Variants in EHD2 observed in about 807,000 individuals in gnomAD.
EHD2 encodes the protein EH domain containing 2, also known as EH domain-containing protein 2.
In EHD2, 27 loss-of-function variants were observed where a neutral mutation model predicts 41.0. That is an observed-to-expected ratio of 0.66 (90% confidence interval 0.49 to 0.91). The LOEUF is 0.91. Ranked by LOEUF, EHD2 falls within the 40% of genes least tolerant of loss-of-function variation. The pLI is 0.00. For missense variants in EHD2, 673 were observed against 773.9 expected, an observed-to-expected ratio of 0.87 and a Z score of 1.55; for synonymous variants, 342 against 341.0, an observed-to-expected ratio of 1.00 and a Z score of -0.03.
intron 2 of EHD2, among the ~76,000 whole-genome samples, chr19:47,717,414 C>G (rs1459102941): frequency 6.6e-5 from 10 of 152,140 alleles, no homozygotes; most frequent in African/African-American, 2.4e-4. Context: ...CCCTCCCTGA[C>G]TGTGTTTCCC....
At chr19:47,738,892 G>A (rs771980506) in intron 5 of EHD2, among the ~76,000 whole-genome samples, 1 of 152,150 alleles carries the variant, frequency 6.6e-6, no homozygotes, top group Non-Finnish European at 1.5e-5. Flanking sequence ...AGTAGCCCGT[G>A]TGAGAAGCAG....
In EHD2 at chr19:47,740,795, C is replaced by T. The variant is rs973761186; in HGVS notation, c.1081-86C>T. 3 of 1,440,496 alleles carry T rather than the reference C, an allele frequency of 2.1e-6. No individual in the cohort carries two copies. The Admixed American group carries it at 7.7e-5, about 37-fold the overall frequency. 89.2% of individuals were successfully genotyped at this position (1,440,496 alleles called of 1,614,324 possible). A position where few individuals can be genotyped will look rare whatever the true frequency, so the allele number is the denominator to read the frequency against. Reference sequence around the variant, plus strand: ...CCCCACAACAGCTACCCCCGAGCTTCTCCAGTGTCCTGATACCACCTTGCA... The same window carrying T: ...CCCCACAACAGCTACCCCCGAGCTTTTCCAGTGTCCTGATACCACCTTGCA... On this transcript the variant is annotated intron_variant, in intron 5 of 5. Coordinates refer to ENST00000263277, the MANE Select transcript of EHD2 (RefSeq NM_014601.4).
At chr19:47,722,768 A>G (rs973338504) in intron 3 of EHD2, among the ~76,000 whole-genome samples, 2 of 151,952 alleles carry the variant, frequency 1.3e-5, no homozygotes, top group Admixed American at 6.6e-5. Flanking sequence ...GGGTTTCACT[A>G]TGTTGGTCAG....
chr19:47,717,106 G>C, intron 2 of EHD2, 90 bp downstream of exon 2: 1 of 1,528,468 alleles, frequency 6.5e-7, no homozygotes, highest in Non-Finnish European at 8.8e-7. Flanking sequence ...GGAGTGCAGT[G>C]GTGCGATCTC....
At position 47,718,864 on chromosome 19, in the gene EHD2, G is replaced by T. The variant is rs377027908; in HGVS notation, c.502+258G>T. On this transcript the variant is annotated intron_variant, in intron 3 of 5. Transcript: ENST00000263277. ...CCTGGGTCTGAGGGAGGAGGGACTG[G>T]GGTCTGGACTCCTGGGTCTGAGGGA... 2.1e-4 allele frequency among the ~76,000 whole-genome samples: 31 copies of T among 149,932 alleles called. No individual in the cohort carries two copies. In the East Asian group the frequency reaches 5.7e-3, roughly 28 times the overall value.
chr19:47,732,937 G>C (rs1966885399), intron 4 of EHD2: 1 of 151,910 alleles, frequency 6.6e-6, no homozygotes, highest in African/African-American at 2.4e-5. Context: ...TATAAAATTA[G>C]CTGGGCATGG....
In EHD2 at chr19:47,742,197, C is replaced by A. The variant is rs139672681; in HGVS notation, c.*765C>A. On this transcript the variant is annotated 3_prime_UTR_variant, in exon 6 of 6. Transcript: ENST00000263277. ...TTTTTGCCCCCAATTCTGCCCATAC[C>A]CATTTCTTTCTTTCCTTCCTTCCTT... 1 of 331,368 alleles carries A rather than the reference C, an allele frequency of 3.0e-6. No individual in the cohort carries two copies. Among genetic ancestry groups the A allele is most frequent in the Admixed American group, 4.7e-5 (1 of 21,090 alleles). The allele number at this position is 331,368 out of a possible 1,614,324, so 20.5% of individuals were successfully genotyped here. A position where few individuals can be genotyped will look rare whatever the true frequency, so the allele number is the denominator to read the frequency against.
chr19:47,739,078 CT>C (rs1298678443), intron 5 of EHD2, among the ~76,000 whole-genome samples: 2 of 152,022 alleles, frequency 1.3e-5, no homozygotes, highest in East Asian at 3.9e-4. Context: ...GCTTTCTTAA[CT>C]TTCTTTTTTC....
At chr19:47,739,001 C>G (rs1322427135) in intron 5 of EHD2, among the ~76,000 whole-genome samples, 1 of 152,154 alleles carries the variant, frequency 6.6e-6, no homozygotes, top group Non-Finnish European at 1.5e-5. Flanking sequence ...CAAATCTCAC[C>G]TCCAAATTTG....
chr19:47,734,785 G>C (rs1244113670), intron 4 of EHD2, among the ~76,000 whole-genome samples: 1 of 151,886 alleles, frequency 6.6e-6, no homozygotes, highest in Non-Finnish European at 1.5e-5. Flanking sequence ...GGACGGGGTG[G>C]CTCCCGCCTG....
At chr19:47,724,976 T>A (rs1226962500) in intron 3 of EHD2, among the ~76,000 whole-genome samples, 2 of 78,516 alleles carry the variant, frequency 2.5e-5, no homozygotes, top group South Asian at 1.1e-3. Context: ...AGTGAGACTC[T>A]GTCTCAAAAA....
Position 47,741,215 on chromosome 19 carries a change from C to T in EHD2, c.1415C>T (p.Ala472Val), listed in dbSNP as rs867423637. 6.2e-7 allele frequency: 1 copy of T among 1,613,958 alleles called. No homozygotes were observed. The highest frequency in any genetic ancestry group is 1.3e-5 in the African/African-American group (1 of 75,048). Residue 472 changes from alanine (A) to valine (V), a missense_variant, in exon 6 of 6, where the codon GCC becomes GTC. Coordinates refer to ENST00000263277, the MANE Select transcript of EHD2 (RefSeq NM_014601.4). This position sits in a 1 kb window ranked among gnomAD's most constrained non-coding sequence, Gnocchi z 4.5. Reference sequence around the variant, plus strand: ...GACGGCAAGCTGAGCGGCTCCAAGGCCAAGACCTGGATGGTGGGGACCAAG... The same window carrying T: ...GACGGCAAGCTGAGCGGCTCCAAGGTCAAGACCTGGATGGTGGGGACCAAG... Reference protein sequence around the residue: ...PADGKLSGSKAKTWMVGTKLP... With the variant: ...PADGKLSGSKVKTWMVGTKLP...
At position 47,718,508 on chromosome 19, in the gene EHD2, G is replaced by A; in HGVS notation, c.405-1G>A. The A allele has an allele frequency of 1.3e-6, 2 of 1,576,510 alleles. No homozygotes were observed. The highest frequency in any genetic ancestry group is 1.2e-5 in the South Asian group (1 of 86,120). ...ACCCCTGACCCTCCCTCTGCCCCCA[G>A]GTTCATGTGTGCCCAGCTCCCTAAT... On this transcript the variant is annotated splice_acceptor_variant, in intron 2 of 5. Coordinates refer to ENST00000263277, the MANE Select transcript of EHD2 (RefSeq NM_014601.4). LOFTEE classifies it high-confidence loss of function.
Position 47,740,577 on chromosome 19 carries a change from C to T in EHD2, c.1081-304C>T, listed in dbSNP as rs1446292179. ...CCTGGCCAACATGGTGAAACGCTGT[C>T]TCTATTAAAATTACAAAAATTAGCT... is the stretch of plus-strand genomic sequence containing the variant. On this transcript the variant is annotated intron_variant, in intron 5 of 5. Transcript: ENST00000263277. Among the ~76,000 whole-genome samples, 3 of 152,104 alleles carry T rather than the reference C, an allele frequency of 2.0e-5. No individual in the cohort carries two copies. The East Asian group carries it at 5.8e-4, about 29-fold the overall frequency.
intron 3 of EHD2, among the ~76,000 whole-genome samples, chr19:47,721,527 G>A (rs1477874270): frequency 1.3e-5 from 2 of 151,712 alleles, no homozygotes; most frequent in African/African-American, 2.4e-5. Flanking sequence ...TCTTAGCCAG[G>A]CAGGTCTTGA....
intron 3 of EHD2, among the ~76,000 whole-genome samples, chr19:47,720,941 T>C (rs1973688175): frequency 6.6e-6 from 1 of 151,842 alleles, no homozygotes; most frequent in Admixed American, 6.6e-5. Context: ...CATGGGAGGT[T>C]ATGTGTGTGC....
chr19:47,717,639 G>A (rs1027357347), intron 2 of EHD2, among the ~76,000 whole-genome samples: 1 of 152,112 alleles, frequency 6.6e-6, no homozygotes, highest in East Asian at 1.9e-4. Flanking sequence ...AGGCCCGGTG[G>A]CTCACACCTG....
At chr19:47,717,268 T>C (rs1973639223) in intron 2 of EHD2, among the ~76,000 whole-genome samples, 1 of 151,994 alleles carries the variant, frequency 6.6e-6, no homozygotes, top group South Asian at 2.1e-4. Flanking sequence ...TGGCTGGTCT[T>C]GAACTCCTGG....
intron 5 of EHD2, among the ~76,000 whole-genome samples, chr19:47,738,143 A>G (rs979796999): frequency 4.0e-5 from 6 of 151,718 alleles, no homozygotes; most frequent in African/African-American, 7.3e-5. Context: ...TGGCCTCCCA[A>G]AGTGCTGGGA....
Sources: gnomAD v4.1 joint callset for allele counts (sites outside exome capture counted in the v4.1 genomes callset) on GRCh38, gnomAD v4.1.1 for gene constraint, Gnocchi (gnomAD v3.1) non-coding constraint, MANE v1.5 for transcripts, NCBI Gene and HGNC (gene_info 2026-07-23, HGNC 2026-07-21) for gene names.